Variants in TIAM2 observed in about 807,000 individuals in gnomAD.
The protein encoded by TIAM2 is TIAM Rac1 associated GEF 2.
In TIAM2, 80 loss-of-function variants were observed where a neutral mutation model predicts 152.9. That is an observed-to-expected ratio of 0.52 (90% CI 0.44 to 0.63). TIAM2 has a LOEUF of 0.63. Among genes scored for constraint, TIAM2 ranks in the 30% least tolerant of loss-of-function variants. TIAM2 has a pLI of 0.00. For missense variants in TIAM2, 1,965 were observed against 2,120.1 expected (o/e 0.93, Z 1.44); for synonymous variants, 804 against 838.0 (o/e 0.96, Z 0.70).
At position 155,130,162 on chromosome 6, in the gene TIAM2, C is replaced by G. The variant is rs776874650; in HGVS notation, c.939C>G (p.Pro313=). The part of the protein sequence containing the change: ...YKDANLGSLS[P]SGIRLSDEYM... ...ATGCCAACCTGGGGAGCCTCTCCCC[C>G]TCAGGTATCCGCCTTTCTGATGAAT... Residue 313 remains proline, a synonymous_variant, in exon 4 of 27, where the codon CCC becomes CCG. Coordinates refer to ENST00000682666, the MANE Select transcript of TIAM2 (RefSeq NM_012454.4). 2 of 1,614,212 alleles carry G rather than the reference C, an allele frequency of 1.2e-6. No individual in the cohort carries two copies. Among genetic ancestry groups the G allele is most frequent in the South Asian group, 1.1e-5 (1 of 91,088 alleles).
chr6:155,121,581 G>A (rs1021740853), intron 2 of TIAM2, among the ~76,000 whole-genome samples: 4 of 152,192 alleles, frequency 2.6e-5, no homozygotes, highest in African/African-American at 9.7e-5. Context: ...AGTGGTTAAA[G>A]CTGTCCCCGA....
At chr6:155,012,434 C>CA (rs200229763) in intron 1 of TIAM2, among the ~76,000 whole-genome samples, 3,702 of 152,264 alleles carry the variant, frequency 0.024, 149 homozygotes, top group African/African-American at 0.085. Context: ...GGTTTAAAAA[C>CA]AAAAATCAAC....
chr6:155,200,535 A>G (rs1781451333), intron 14 of TIAM2, among the ~76,000 whole-genome samples: 1 of 152,180 alleles, frequency 6.6e-6, no homozygotes, highest in Non-Finnish European at 1.5e-5. Flanking sequence ...TATTCACAAA[A>G]TTGTGCAACC....
At chr6:155,116,695 G>A (rs1039750751) in intron 2 of TIAM2, among the ~76,000 whole-genome samples, 6 of 152,146 alleles carry the variant, frequency 3.9e-5, no homozygotes, top group Non-Finnish European at 5.9e-5. Flanking sequence ...AAGAAGCTGT[G>A]TGGTTGCAGT....
chr6:155,203,690 A>G (rs896135405), intron 14 of TIAM2, among the ~76,000 whole-genome samples: 1 of 152,232 alleles, frequency 6.6e-6, no homozygotes, highest in Admixed American at 6.5e-5. Context: ...GTTTCTAAGG[A>G]TTAATGATTT....
intron 19 of TIAM2, among the ~76,000 whole-genome samples, chr6:155,246,527 G>A (rs1783342114): frequency 6.6e-6 from 1 of 151,924 alleles, no homozygotes; most frequent in African/African-American, 2.4e-5. Flanking sequence ...CGTAGAAATG[G>A]GTCTCACTGT....
At chr6:155,246,620 GCCA>G (rs1783349222) in intron 19 of TIAM2, among the ~76,000 whole-genome samples, 1 of 152,168 alleles carries the variant, frequency 6.6e-6, no homozygotes, top group Non-Finnish European at 1.5e-5. Context: ...ATAGGCATGA[GCCA>G]CCACGCCTGG....
At chr6:155,184,980 C>T (rs1035540543) in intron 14 of TIAM2, among the ~76,000 whole-genome samples, 10 of 152,014 alleles carry the variant, frequency 6.6e-5, no homozygotes, top group African/African-American at 2.4e-4. Flanking sequence ...TTGTTGGATT[C>T]ATTACTCTTG....
At chr6:155,069,911 C>CTTTTT (rs36093906) in intron 1 of TIAM2, among the ~76,000 whole-genome samples, 56 of 125,586 alleles carry the variant, frequency 4.5e-4, no homozygotes, top group East Asian at 7.0e-4. Flanking sequence ...CATTTCTTTT[C>CTTTTT]TTTTTTTTTT....
At chr6:155,059,970 A>G (rs1777538960) in intron 1 of TIAM2, among the ~76,000 whole-genome samples, 1 of 152,236 alleles carries the variant, frequency 6.6e-6, no homozygotes, top group South Asian at 2.1e-4. Flanking sequence ...TGGGAGACAT[A>G]CAGATATACT....
At position 155,144,756 on chromosome 6, in the gene TIAM2, T is replaced by A; in HGVS notation, c.1781T>A (p.Phe594Tyr). The A allele has an allele frequency of 6.2e-7, 1 of 1,610,588 alleles. No individual in the cohort carries two copies. The highest frequency in any genetic ancestry group is 8.5e-7 in the Non-Finnish European group (1 of 1,178,724). The change falls in exon 6 of 27, where the codon TTT becomes TAT. Residue 594 changes from phenylalanine to tyrosine, a missense_variant. Coordinates refer to ENST00000682666, the MANE Select transcript of TIAM2 (RefSeq NM_012454.4). The part of the protein sequence containing the change: ...KENVFCLSNS[F>Y]GDVYLFQATS... ...AATGTGTTCTGCCTCAGCAACTCCTTTGGAGATGTCTACCTTTTCCAGGTA... is the reference window on the plus strand; with the variant it reads ...AATGTGTTCTGCCTCAGCAACTCCTATGGAGATGTCTACCTTTTCCAGGTA...
intron 1 of TIAM2, among the ~76,000 whole-genome samples, chr6:155,005,870 G>A (rs550397690): frequency 6.6e-6 from 1 of 152,248 alleles, no homozygotes; most frequent in East Asian, 1.9e-4. Context: ...GGCTGGTCTT[G>A]AACTCCCGAC....
intron 10 of TIAM2, among the ~76,000 whole-genome samples, chr6:155,178,086 G>A (rs924494599): frequency 2.0e-5 from 3 of 151,564 alleles, no homozygotes; most frequent in Non-Finnish European, 4.4e-5. Flanking sequence ...GCGTCAACCT[G>A]GGAGGTGGAG....
chr6:155,031,970 C>T (rs1007001320), intron 1 of TIAM2, among the ~76,000 whole-genome samples: 12 of 152,116 alleles, frequency 7.9e-5, no homozygotes, highest in South Asian at 4.1e-4. Context: ...AGATGTATAT[C>T]AACTGCGACT....
At chr6:155,172,658 ATATATATATATATATATATATATATATAT>A (rs1376522206) in intron 9 of TIAM2, among the ~76,000 whole-genome samples, 16 of 9,034 alleles carry the variant, frequency 1.8e-3, no homozygotes, top group African/African-American at 3.6e-3. Flanking sequence ...ATATATATAT[ATATATATATATATATATATATATATATAT>A]TTTTTTTTTT....
At chr6:155,143,073 G>A (rs1779747218) in intron 5 of TIAM2, among the ~76,000 whole-genome samples, 2 of 152,324 alleles carry the variant, frequency 1.3e-5, no homozygotes, top group African/African-American at 4.8e-5. Flanking sequence ...TTACAGTGAA[G>A]GCAGGCTGGT....
At chr6:155,176,383 G>C (rs1000552220) in intron 9 of TIAM2, among the ~76,000 whole-genome samples, 1 of 152,132 alleles carries the variant, frequency 6.6e-6, no homozygotes, top group Admixed American at 6.5e-5. Flanking sequence ...ACAGGCGCAC[G>C]TCAGCACACC....
intron 1 of TIAM2, among the ~76,000 whole-genome samples, chr6:155,028,700 CTG>C (rs1294888933): frequency 4.1e-5 from 5 of 123,250 alleles, no homozygotes; most frequent in Non-Finnish European, 6.3e-5. Flanking sequence ...AATATATATA[CTG>C]TGTTATATAT....
intron 14 of TIAM2, among the ~76,000 whole-genome samples, chr6:155,204,649 A>T (rs1781554291): frequency 6.6e-6 from 1 of 152,190 alleles, no homozygotes; most frequent in Non-Finnish European, 1.5e-5. Context: ...GAGAGTATTA[A>T]AAATCAATGT....
Sources: allele counts gnomAD v4.1 joint callset (sites outside exome capture counted in the v4.1 genomes callset), GRCh38; gene constraint gnomAD v4.1.1; transcripts MANE v1.5; gene names NCBI Gene and HGNC (gene_info 2026-07-23, HGNC 2026-07-21).